Variants in TFEC observed in about 807,000 individuals in gnomAD.
TFEC encodes the protein transcription factor EC, also known as class E basic helix-loop-helix protein 34.
A neutral mutation model predicts 41.6 loss-of-function variants in TFEC; 31 were observed. The ratio of observed to expected loss-of-function variants is 0.74; its 90% CI spans 0.56 to 1.01. The LOEUF (loss-of-function observed/expected upper bound fraction) is 1.01. Among genes scored for constraint, TFEC ranks in the 50% least tolerant of loss-of-function variants. The pLI, the probability that TFEC is intolerant of heterozygous loss-of-function variation, is 0.00. For missense variants in TFEC, 402 were observed against 404.1 expected, an observed-to-expected ratio of 0.99 and a Z score of 0.04; for synonymous variants, 143 against 140.6, an observed-to-expected ratio of 1.02 and a Z score of -0.12.
chr7:116,107,556 G>A (rs1797749414), intron 3 of TFEC, among the ~76,000 whole-genome samples: 1 of 152,182 alleles, frequency 6.6e-6, no homozygotes, highest in Non-Finnish European at 1.5e-5. Flanking sequence ...GAGCACAGAT[G>A]AGACCTAGAG....
chr7:116,128,547 C>T (rs997427729), intron 1 of TFEC, among the ~76,000 whole-genome samples: 33 of 152,018 alleles, frequency 2.2e-4, no homozygotes, highest in Admixed American at 4.6e-4. Flanking sequence ...ATAAAAATAA[C>T]TAATTTTTAT....
At chr7:116,147,570 A>G (rs1798669026) in intron 1 of TFEC, among the ~76,000 whole-genome samples, 1 of 106,750 alleles carries the variant, frequency 9.4e-6, no homozygotes, top group South Asian at 3.7e-4. Flanking sequence ...CCACCCCACA[A>G]CAGGCCCCAT....
intron 3 of TFEC, among the ~76,000 whole-genome samples, chr7:116,069,541 T>C (rs559394327): frequency 4.6e-5 from 7 of 151,834 alleles, no homozygotes; most frequent in African/African-American, 1.4e-4. Flanking sequence ...TAATGAACAA[T>C]GTAATAGTGA....
At chr7:115,961,262 C>T (rs1204882703) in intron 3 of TFEC, among the ~76,000 whole-genome samples, 1 of 151,558 alleles carries the variant, frequency 6.6e-6, no homozygotes, top group Admixed American at 6.6e-5. Context: ...AAGAAACCCT[C>T]AACACATTTC....
At chr7:116,115,072 A>G (rs1464052394) in intron 1 of TFEC, among the ~76,000 whole-genome samples, 1 of 151,998 alleles carries the variant, frequency 6.6e-6, no homozygotes, top group Non-Finnish European at 1.5e-5. Flanking sequence ...TTCCCTTTTT[A>G]AAAGCTGTTA....
At chr7:116,066,502 A>C (rs938282728) in intron 3 of TFEC, among the ~76,000 whole-genome samples, 2 of 152,028 alleles carry the variant, frequency 1.3e-5, no homozygotes, top group Non-Finnish European at 2.9e-5. Flanking sequence ...TATATATGAG[A>C]TAAATCTGAA....
chr7:116,008,118 T>C (rs1015926639), intron 1 of TFEC, among the ~76,000 whole-genome samples: 4 of 152,134 alleles, frequency 2.6e-5, no homozygotes, highest in Admixed American at 2.6e-4. Context: ...TACTGGCCTT[T>C]TGAAACTCAA....
intron 7 of TFEC, 48 bp from the exon 8 acceptor site, chr7:115,940,979 T>C: frequency 1.3e-6 from 2 of 1,509,824 alleles, no homozygotes; most frequent in South Asian, 1.3e-5. Flanking sequence ...GAAATTGGAT[T>C]TAACACTAGA....
intron 3 of TFEC, among the ~76,000 whole-genome samples, chr7:115,971,745 A>G (rs1384229422): frequency 2.0e-5 from 3 of 152,084 alleles, no homozygotes; most frequent in Non-Finnish European, 4.4e-5. Context: ...GTCTGAAAAA[A>G]AACTAGGTTA....
rs570891221 is a variant in TFEC, at chr7:116,074,915, A to T, written c.198+35793T>A. ...ATGAATAAAATGCAGTGTGTCCATCAATGAAATATTATTTGCCAATAAAAA... is the reference window on the plus strand; with the variant it reads ...ATGAATAAAATGCAGTGTGTCCATCTATGAAATATTATTTGCCAATAAAAA... On this transcript the variant is annotated intron_variant, in intron 3 of 8. Transcript: ENST00000484212. Among the ~76,000 whole-genome samples, 5 of 152,342 alleles carry T rather than the reference A, an allele frequency of 3.3e-5. No homozygotes were observed. The East Asian group carries it at 7.7e-4, about 23-fold the overall frequency.
chr7:116,110,290 G>A (rs1797823446), intron 3 of TFEC, among the ~76,000 whole-genome samples: 1 of 152,042 alleles, frequency 6.6e-6, no homozygotes, highest in African/African-American at 2.4e-5. Flanking sequence ...GTCTTGGAGT[G>A]TTTTTAAAAA....
At chr7:115,986,901 A>G (rs1793883802) in intron 1 of TFEC, among the ~76,000 whole-genome samples, 1 of 130,698 alleles carries the variant, frequency 7.7e-6, no homozygotes, top group Non-Finnish European at 1.6e-5. Flanking sequence ...TAGAACTTAA[A>G]GTATAATAAG....
chr7:115,965,633 G>T (rs937198254), intron 3 of TFEC, among the ~76,000 whole-genome samples: 4 of 151,552 alleles, frequency 2.6e-5, no homozygotes, highest in Non-Finnish European at 5.9e-5. Context: ...ATATTTTTGA[G>T]ACAATACATG....
intron 3 of TFEC, among the ~76,000 whole-genome samples, chr7:116,058,628 G>A (rs1392925171): frequency 8.6e-5 from 13 of 151,552 alleles, no homozygotes; most frequent in Admixed American, 8.6e-4. Flanking sequence ...ACCAAGACAG[G>A]TCATACTATG....
chr7:116,142,026 G>A (rs1051752249), intron 1 of TFEC, among the ~76,000 whole-genome samples: 6 of 152,090 alleles, frequency 3.9e-5, no homozygotes, highest in South Asian at 2.1e-4. Flanking sequence ...GTGATATCAC[G>A]AGATACTGGT....
In TFEC at chr7:115,940,594, C is replaced by A; in HGVS notation, c.1001G>T (p.Ser334Ile). Residue 334 changes from serine to isoleucine, a missense_variant, in exon 8 of 8, where the codon AGT (serine) becomes ATT (isoleucine). Transcript: ENST00000265440. ...ATSPAVSKES[S>I]RRSSFSSDDG... ...ATCTGAGCTAAAGCTACTTCTCCTACTGCTTTCTTTGGAAACTGCAGGGGA... is the reference window on the plus strand; with the variant it reads ...ATCTGAGCTAAAGCTACTTCTCCTAATGCTTTCTTTGGAAACTGCAGGGGA... The A allele has an allele frequency of 6.2e-7, 1 of 1,613,216 alleles. No individual in the cohort carries two copies. The highest frequency in any genetic ancestry group is 2.2e-5 in the East Asian group (1 of 44,846).
At chr7:116,151,349 T>C (rs1195264782) in intron 1 of TFEC, among the ~76,000 whole-genome samples, 2 of 151,490 alleles carry the variant, frequency 1.3e-5, no homozygotes, top group Non-Finnish European at 2.9e-5. Context: ...CTCAAGCAAT[T>C]CGCCTGCCTC....
In TFEC at chr7:115,942,016, G is replaced by C; in HGVS notation, c.540C>G (p.Thr180=). 1 of 1,612,546 alleles carries C rather than the reference G, an allele frequency of 6.2e-7. No individual in the cohort carries two copies. ...TGTACTCCACTGATGCTTTTAGAAT[G>C]GTTCCTTTGTTCCAGCGCATATCAC... The part of the protein sequence containing the change: ...NDPDMRWNKG[T]ILKASVEYIK... The change falls in exon 7 of 8, where the codon ACC becomes ACG. Residue 180 remains threonine, a synonymous_variant. Transcript: ENST00000265440.
At chr7:116,057,660 G>T (rs114792325) in intron 3 of TFEC, among the ~76,000 whole-genome samples, 106 of 151,776 alleles carry the variant, frequency 7.0e-4, no homozygotes, top group African/African-American at 2.4e-3. Context: ...TAAATTTTTT[G>T]ATAATTGACT....
Sources: gnomAD v4.1 joint callset for allele counts (sites outside exome capture counted in the v4.1 genomes callset) on GRCh38, gnomAD v4.1.1 for gene constraint, MANE v1.5 for transcripts, NCBI Gene and HGNC (gene_info 2026-07-23, HGNC 2026-07-21) for gene names.